Variants in ASCC3 observed in about 807,000 individuals in gnomAD.
ASCC3 encodes the protein ASC-1 complex subunit P200.
ASCC3 carries 158 observed loss-of-function variants against 256.3 expected under a neutral mutation model. That is an observed-to-expected ratio of 0.62 (90% CI 0.54 to 0.70). The LOEUF (loss-of-function observed/expected upper bound fraction) is 0.70. ASCC3 is among the 30% of genes least tolerant of loss of function. The probability of loss-of-function intolerance (pLI) is 0.00; values close to 1 mark genes in which losing one functional copy is unlikely to be tolerated. For missense variants in ASCC3, 2,259 were observed against 2,626.0 expected (o/e 0.86, Z 3.05); for synonymous variants, 948 against 883.4 (o/e 1.07, Z -1.30).
At chr6:100,660,492 G>C (rs903182394) in intron 16 of ASCC3, among the ~76,000 whole-genome samples, 7 of 151,668 alleles carry the variant, frequency 4.6e-5, no homozygotes, top group Non-Finnish European at 3.0e-5. Flanking sequence ...CTGAAATTGA[G>C]CTATCATAAT....
chr6:100,551,463 A>G (rs1332954380), intron 36 of ASCC3, among the ~76,000 whole-genome samples: 1 of 151,924 alleles, frequency 6.6e-6, no homozygotes, highest in Non-Finnish European at 1.5e-5. Flanking sequence ...GGAAGGAGGG[A>G]AGATAGGTTA....
At chr6:100,859,537 C>T (rs549181988) in intron 3 of ASCC3, among the ~76,000 whole-genome samples, 2 of 152,144 alleles carry the variant, frequency 1.3e-5, no homozygotes, top group Non-Finnish European at 2.9e-5. Flanking sequence ...CTGCTACTAT[C>T]TTTTTATACT....
At chr6:100,644,510 A>G (rs1321929760) in intron 22 of ASCC3, among the ~76,000 whole-genome samples, 1 of 152,136 alleles carries the variant, frequency 6.6e-6, no homozygotes, top group Non-Finnish European at 1.5e-5. Context: ...GCATGCATCA[A>G]TGCTTTCATT....
At chr6:100,755,536 A>G (rs1049776275) in intron 10 of ASCC3, among the ~76,000 whole-genome samples, 3 of 151,912 alleles carry the variant, frequency 2.0e-5, no homozygotes, top group Non-Finnish European at 4.4e-5. Context: ...TCTTTATTAT[A>G]TTGACATGAA....
At chr6:100,775,932 T>G (rs1337737724) in intron 8 of ASCC3, among the ~76,000 whole-genome samples, 1 of 151,982 alleles carries the variant, frequency 6.6e-6, no homozygotes. Flanking sequence ...ATAATTAACA[T>G]CCATTATGCA....
intron 14 of ASCC3, among the ~76,000 whole-genome samples, chr6:100,666,908 T>C (rs934454107): frequency 2.0e-5 from 3 of 152,156 alleles, no homozygotes; most frequent in Non-Finnish European, 2.9e-5. Flanking sequence ...AACATGTATT[T>C]ATCATATATT....
rs74549189 is a variant in ASCC3 at position 100,604,647 on chromosome 6, C to T, written c.5177+921G>A. Among the ~76,000 whole-genome samples the T allele has an allele frequency of 4.8e-3, 734 of 151,554 alleles. 6 individuals are homozygous for T. Among genetic ancestry groups the T allele is most frequent in the African/African-American group, 0.017 (694 of 41,344 alleles). ...TTTTTGTAGAGACAGGATCTATCTACGTTACCTAGGCTGGTCTCAAACTCC... is the reference window on the plus strand; with the variant it reads ...TTTTTGTAGAGACAGGATCTATCTATGTTACCTAGGCTGGTCTCAAACTCC... On this transcript the variant is annotated intron_variant, in intron 33 of 41. Coordinates refer to ENST00000369162, the MANE Select transcript of ASCC3 (RefSeq NM_006828.4).
At position 100,509,496 on chromosome 6, in the gene ASCC3, G is replaced by A; in HGVS notation, c.6499C>T (p.Leu2167Phe). Residue 2167 changes from leucine (L) to phenylalanine (F), a missense_variant, in exon 42 of 42, where the codon CTT (leucine) becomes TTT (phenylalanine). This residue lies in a region of ASCC3 where 1,839 missense variants were observed against 2,206.7 expected (regional missense o/e 0.83). Transcript: ENST00000369162. ...YTLYFMSDCY[L>F]GLDQQYDIYL... ...ATGTCATACTGCTGGTCCAGGCCAAGGTAGCAGTCACTCATGAAATATAAT... is the reference window on the plus strand; with the variant it reads ...ATGTCATACTGCTGGTCCAGGCCAAAGTAGCAGTCACTCATGAAATATAAT... The A allele has an allele frequency of 6.2e-7, 1 of 1,613,866 alleles. No homozygotes were observed. The highest frequency in any genetic ancestry group is 8.5e-7 in the Non-Finnish European group (1 of 1,179,710).
chr6:100,642,161 TAA>T (rs558336661), intron 24 of ASCC3, among the ~76,000 whole-genome samples: 1 of 140,576 alleles, frequency 7.1e-6, no homozygotes, highest in Non-Finnish European at 1.6e-5. Context: ...GTTAAAGTAT[TAA>T]AAAAAAAAAA....
intron 10 of ASCC3, among the ~76,000 whole-genome samples, chr6:100,728,477 A>C (rs1779741218): frequency 6.6e-6 from 1 of 152,052 alleles, no homozygotes; most frequent in South Asian, 2.1e-4. Flanking sequence ...TGACCCAGCA[A>C]TTCCATTTCC....
intron 8 of ASCC3, among the ~76,000 whole-genome samples, chr6:100,782,742 T>C (rs1344896062): frequency 6.6e-6 from 1 of 152,010 alleles, no homozygotes; most frequent in Non-Finnish European, 1.5e-5. Flanking sequence ...AAGTTTTCTG[T>C]TTTCTGAGAT....
At chr6:100,728,469 A>G (rs2115044763) in intron 10 of ASCC3, among the ~76,000 whole-genome samples, 1 of 152,152 alleles carries the variant, frequency 6.6e-6, no homozygotes, top group Admixed American at 6.6e-5. Context: ...ATGCGTTGTG[A>G]CCCAGCAATT....
At position 100,627,645 on chromosome 6, in the gene ASCC3, A is replaced by G; in HGVS notation, c.4587T>C (p.Phe1529=). ...PVPLEVHIQG[F]PGQHYCPRMA... is the part of the protein sequence containing the mutation. ...TACGAGGACAGTAATGTTGACCTGG[A>G]AAGCCTTGAATGTGAACTTCCAGTG... The change falls in exon 29 of 42, where the codon TTT becomes TTC. Residue 1529 remains phenylalanine (F), a synonymous_variant. Coordinates refer to ENST00000369162, the MANE Select transcript of ASCC3 (RefSeq NM_006828.4). 6.2e-7 allele frequency: 1 copy of G among 1,613,658 alleles called. No individual in the cohort carries two copies. Among genetic ancestry groups the G allele is most frequent in the Non-Finnish European group, 8.5e-7 (1 of 1,179,782 alleles).
chr6:100,577,253 A>G (rs1489145049), intron 36 of ASCC3, among the ~76,000 whole-genome samples: 9 of 151,944 alleles, frequency 5.9e-5, no homozygotes, highest in Non-Finnish European at 4.4e-5. Flanking sequence ...GAATCTATAA[A>G]TTTTTGGCCT....
At chr6:100,818,894 A>G (rs9390695) in intron 4 of ASCC3, among the ~76,000 whole-genome samples, 52,700 of 151,870 alleles carry the variant, frequency 0.35, 10,784 homozygotes, top group Middle Eastern at 0.52. Context: ...TTGTATTTCT[A>G]TAACTAGCAA....
At chr6:100,713,379 T>G (rs953723923) in intron 13 of ASCC3, among the ~76,000 whole-genome samples, 2 of 151,940 alleles carry the variant, frequency 1.3e-5, no homozygotes, top group African/African-American at 4.8e-5. Flanking sequence ...AACAAAACTA[T>G]GGAGAGAGTA....
chr6:100,769,907 C>T (rs1781839456), intron 8 of ASCC3, among the ~76,000 whole-genome samples: 1 of 151,762 alleles, frequency 6.6e-6, no homozygotes, highest in Non-Finnish European at 1.5e-5. Flanking sequence ...AAATACACAA[C>T]TTAACCCAAT....
intron 5 of ASCC3, among the ~76,000 whole-genome samples, chr6:100,805,278 T>C (rs1770117013): frequency 6.6e-6 from 1 of 152,090 alleles, no homozygotes; most frequent in Non-Finnish European, 1.5e-5. Flanking sequence ...AAATACCTCG[T>C]GTTCTCACTT....
chr6:100,812,441 T>C (rs532955641), intron 4 of ASCC3, among the ~76,000 whole-genome samples: 2 of 151,070 alleles, frequency 1.3e-5, no homozygotes, highest in East Asian at 2.0e-4. Context: ...AATTAAACAA[T>C]GACCAAAGAA....
Sources: allele counts gnomAD v4.1 joint callset (sites outside exome capture counted in the v4.1 genomes callset), GRCh38; gene constraint gnomAD v4.1.1; regional missense constraint gnomAD v4.1.1; transcripts MANE v1.5; gene names NCBI Gene and HGNC (gene_info 2026-07-23, HGNC 2026-07-21).